The following TRPM1 variants were observed in gnomAD, a reference collection of about 807,000 sequenced individuals.
TRPM1 encodes the protein transient receptor potential cation channel subfamily M member 1.
A neutral mutation model predicts 149.4 loss-of-function variants in TRPM1; 113 were observed. The observed-to-expected ratio is 0.76, with a 90% CI of 0.65 to 0.88. TRPM1 has a LOEUF of 0.88. TRPM1 is among the 40% of genes least tolerant of loss of function. The pLI, the probability that TRPM1 is intolerant of heterozygous loss-of-function variation, is 0.00. For missense variants in TRPM1, 1,976 were observed against 2,038.7 expected (o/e 0.97, Z 0.59); for synonymous variants, 741 against 759.5 (o/e 0.98, Z 0.40).
At chr15:31,082,859 CGAG>C (rs2140986125) in intron 1 of TRPM1, among the ~76,000 whole-genome samples, 2 of 152,114 alleles carry the variant, frequency 1.3e-5, no homozygotes, top group African/African-American at 4.8e-5. Flanking sequence ...GTGTCAACCC[CGAG>C]GAGAAGTCTT....
intron 27 of TRPM1, among the ~76,000 whole-genome samples, chr15:31,017,905 C>T (rs1228225031): frequency 6.6e-6 from 1 of 152,162 alleles, no homozygotes; most frequent in Admixed American, 6.5e-5. Flanking sequence ...AGACTCTTGT[C>T]TATTAAACAT....
intron 1 of TRPM1, among the ~76,000 whole-genome samples, chr15:31,092,935 C>T (rs1421242223): frequency 6.6e-6 from 1 of 152,166 alleles, no homozygotes; most frequent in African/African-American, 2.4e-5. Flanking sequence ...CTCAACAATG[C>T]ATTATTTAGA....
At chr15:31,029,148 A>G (rs2140905557) in intron 24 of TRPM1, among the ~76,000 whole-genome samples, 1 of 152,304 alleles carries the variant, frequency 6.6e-6, no homozygotes, top group East Asian at 1.9e-4. Flanking sequence ...TTGAAATGCA[A>G]CTTTTTATCA....
At chr15:31,140,086 G>A (rs1274824815) in intron 1 of TRPM1, among the ~76,000 whole-genome samples, 1 of 151,980 alleles carries the variant, frequency 6.6e-6, no homozygotes, top group Non-Finnish European at 1.5e-5. Context: ...TTGATTCTTG[G>A]CTGGGCACGG....
intron 1 of TRPM1, among the ~76,000 whole-genome samples, chr15:31,125,714 A>G (rs1208202365): frequency 1.3e-4 from 15 of 116,758 alleles, no homozygotes; most frequent in Admixed American, 3.0e-4. Flanking sequence ...TGGGCGACAG[A>G]GCGAGACTCC....
chr15:31,051,203 C>G (rs1297021131), intron 11 of TRPM1, among the ~76,000 whole-genome samples: 1 of 152,186 alleles, frequency 6.6e-6, no homozygotes, highest in East Asian at 1.9e-4. Context: ...AGAAGTAGGC[C>G]TGGCCCCGTG....
At chr15:31,080,773 T>C (rs1391527325) in intron 2 of TRPM1, among the ~76,000 whole-genome samples, 1 of 148,744 alleles carries the variant, frequency 6.7e-6, no homozygotes, top group Non-Finnish European at 1.5e-5. Flanking sequence ...TTCCCACACT[T>C]TCCCTGGCAG....
At chr15:31,112,373 G>A (rs923387187) in intron 1 of TRPM1, among the ~76,000 whole-genome samples, 1 of 152,176 alleles carries the variant, frequency 6.6e-6, no homozygotes, top group African/African-American at 2.4e-5. Flanking sequence ...AGCTACTCAG[G>A]AGGCTGAAGC....
intron 23 of TRPM1, among the ~76,000 whole-genome samples, chr15:31,030,361 T>TG (rs34106429): frequency 0.28 from 43,299 of 152,054 alleles, 8,612 homozygotes; most frequent in African/African-American, 0.57. Context: ...ACTGTCCTGG[T>TG]AAATAGTGTA....
At chr15:31,063,090 G>A (rs765198354) in intron 8 of TRPM1, 28 bp downstream of exon 8, 4 of 1,613,690 alleles carry the variant, frequency 2.5e-6, no homozygotes, top group Admixed American at 1.7e-5. Context: ...TTACGAACCC[G>A]CCCTTCCTCG....
intron 27 of TRPM1, among the ~76,000 whole-genome samples, chr15:31,022,280 T>C (rs770836514): frequency 2.0e-5 from 3 of 152,184 alleles, no homozygotes; most frequent in South Asian, 4.1e-4. Flanking sequence ...TTGCCAAATA[T>C]TCTCCTGGAG....
chr15:31,159,207 C>T (rs1331864866), intron 1 of TRPM1, among the ~76,000 whole-genome samples: 2 of 152,178 alleles, frequency 1.3e-5, no homozygotes, highest in African/African-American at 4.8e-5. Context: ...GGACCAAAAT[C>T]GAAGTGATTC....
chr15:31,152,215 C>A (rs569907677), intron 1 of TRPM1, among the ~76,000 whole-genome samples: 2 of 152,222 alleles, frequency 1.3e-5, no homozygotes, highest in African/African-American at 2.4e-5. Context: ...TCTGCTCAGG[C>A]ATGGGCATGG....
chr15:31,111,155 C>G (rs1365096146), intron 1 of TRPM1, among the ~76,000 whole-genome samples: 1 of 152,144 alleles, frequency 6.6e-6, no homozygotes, highest in African/African-American at 2.4e-5. Context: ...TGGATCCTGC[C>G]ATGAGTAAAG....
chr15:31,067,800 T>A, intron 5 of TRPM1, 79 bp downstream of exon 5: 2 of 1,382,352 alleles, frequency 1.4e-6, no homozygotes, highest in Non-Finnish European at 2.1e-6. Context: ...TTGTCCTTAG[T>A]TATTAGGAAG....
In TRPM1 at chr15:31,036,821, C is replaced by A. The variant is rs376082252; in HGVS notation, c.2571+890G>T. 6.6e-4 allele frequency among the ~76,000 whole-genome samples: 101 copies of A among 152,354 alleles called. 5 individuals are homozygous for A. In the South Asian group the frequency reaches 0.021, roughly 31 times the overall value. ...CTGCCACAAGGTTGGGTGTCCAGGC[C>A]CTCAGCTGACCCTTGAGGTGGGCCC... is the stretch of plus-strand genomic sequence containing the variant. On this transcript the variant is annotated intron_variant, in intron 20 of 27. Coordinates refer to ENST00000256552, the MANE Select transcript of TRPM1 (RefSeq NM_001252024.2).
At chr15:31,034,606 CACTT>C (rs2033259372) in intron 21 of TRPM1, among the ~76,000 whole-genome samples, 1 of 152,252 alleles carries the variant, frequency 6.6e-6, no homozygotes, top group African/African-American at 2.4e-5. Flanking sequence ...AGCCACACCT[CACTT>C]AGCTCCTTTT....
rs757450458 is a variant in TRPM1, at chr15:31,002,624, T to C, written c.4076A>G (p.Asp1359Gly). The C allele has an allele frequency of 6.2e-7, 1 of 1,614,228 alleles. No individual in the cohort carries two copies. Among genetic ancestry groups the C allele is most frequent in the South Asian group, 1.1e-5 (1 of 91,084 alleles). Residue 1359 changes from aspartate to glycine, a missense_variant, in exon 28 of 28, where the codon GAT becomes GGT. By Grantham distance (94) the Asp-to-Gly change is moderately conservative. Around this residue, in one of 3 missense-constraint regions of TRPM1, gnomAD observed 572 missense variants for 578.9 expected, o/e 0.99. Coordinates refer to ENST00000256552, the MANE Select transcript of TRPM1 (RefSeq NM_001252024.2). ...SLGTSTSATP[D>G]GSHLAVDDLK... ...GTCATCTACTGCAAGGTGACTGCCA[T>C]CTGGGGTTGCTGATGTGCTTGTGCC...
intron 1 of TRPM1, among the ~76,000 whole-genome samples, chr15:31,113,740 A>T (rs1342139343): frequency 2.0e-5 from 3 of 152,170 alleles, no homozygotes; most frequent in East Asian, 1.9e-4. Flanking sequence ...CGCCTTTAAG[A>T]ATGAAGCATG....
Sources: allele counts gnomAD v4.1 joint callset (sites outside exome capture counted in the v4.1 genomes callset), GRCh38; gene constraint gnomAD v4.1.1; regional missense constraint gnomAD v4.1.1; transcripts MANE v1.5; gene names NCBI Gene and HGNC (gene_info 2026-07-23, HGNC 2026-07-21).